Variants in CCDC180 observed in about 807,000 individuals in gnomAD.
The protein encoded by CCDC180 is coiled-coil domain-containing protein 180.
In CCDC180, 154 loss-of-function variants were observed where a neutral mutation model predicts 209.2. That is an observed-to-expected ratio of 0.74 (90% CI 0.65 to 0.84). The LOEUF (loss-of-function observed/expected upper bound fraction) is 0.84, where lower values mean the gene tolerates loss of function less well. Among genes scored for constraint, CCDC180 ranks in the 40% least tolerant of loss-of-function variants. The pLI is 0.00. For missense variants in CCDC180, 1,874 were observed against 1,997.3 expected (o/e 0.94, Z 1.18); for synonymous variants, 778 against 749.1 (o/e 1.04, Z -0.63).
At chr9:97,353,548 T>G (rs1826482462) in intron 22 of CCDC180, among the ~76,000 whole-genome samples, 1 of 152,198 alleles carries the variant, frequency 6.6e-6, no homozygotes, top group South Asian at 2.1e-4. Context: ...TCCTTGGGAC[T>G]TTATGGGTGG....
rs979844222 is a variant in CCDC180 at position 97,377,653 on chromosome 9, C to T, written c.*759C>T. The stretch of plus-strand genomic sequence containing the variant: ...GTTCCCTCACCTGGGGACACTCACT[C>T]TGCTCTCCTGGTTTGCTCCACCCAG... On this transcript the variant is annotated 3_prime_UTR_variant, in exon 37 of 37. Transcript: ENST00000529487. The T allele has an allele frequency of 2.0e-5, 3 of 152,276 alleles. No individual in the cohort carries two copies. Among genetic ancestry groups the T allele is most frequent in the African/African-American group, 7.2e-5 (3 of 41,444 alleles). The allele number at this position is 152,276 out of a possible 1,614,324, so 9.4% of individuals were successfully genotyped here.
chr9:97,355,746 C>T (rs1169870424), intron 24 of CCDC180, among the ~76,000 whole-genome samples: 3 of 152,088 alleles, frequency 2.0e-5, no homozygotes, highest in East Asian at 1.9e-4. Context: ...AAGGTGGCTG[C>T]GTGGGGATTG....
chr9:97,376,805 G>A lies in CCDC180; in HGVS notation c.4885G>A (p.Asp1629Asn), dbSNP rs983353543. 2 of 1,613,558 alleles carry A rather than the reference G, an allele frequency of 1.2e-6. No homozygotes were observed. Among genetic ancestry groups the A allele is most frequent in the South Asian group, 1.1e-5 (1 of 91,044 alleles). Residue 1629 changes from aspartate (D) to asparagine (N), a missense_variant, in exon 37 of 37, where the codon GAT becomes AAT. Physicochemically the swap from Asp to Asn is conservative, Grantham distance 23. Transcript: ENST00000529487. ...TGAGGAGGAGCTAAAGAGGATCCAG[G>A]ATGACTGTACATCTCAGATAAAGGA... ...SFEEELKRIQ[D>N]DCTSQIKEAQ...
intron 18 of CCDC180, among the ~76,000 whole-genome samples, chr9:97,342,046 G>A (rs1826098989): frequency 1.3e-5 from 2 of 152,222 alleles, no homozygotes; most frequent in Admixed American, 1.3e-4. Context: ...CAGTGTTTAG[G>A]TGGCAGTGTT....
rs751588541 is a variant in CCDC180, at chr9:97,326,595, G to C, written c.1587G>C (p.Arg529Ser). Reference sequence around the variant, plus strand: ...TCGATAGGCTCTTGGACCAACTGAGGCAGCAAAGTGACAAAGAAACACTGG... The same window carrying C: ...TCGATAGGCTCTTGGACCAACTGAGCCAGCAAAGTGACAAAGAAACACTGG... ...AHLDRLLDQL[R>S]QQSDKETLAF... Residue 529 changes from arginine (R) to serine (S), a missense_variant, in exon 15 of 37, where the codon AGG becomes AGC. By Grantham distance (110) the Arg-to-Ser change is moderately radical. Coordinates refer to ENST00000529487, the MANE Select transcript of CCDC180 (RefSeq NM_020893.6). 16 of 1,614,038 alleles carry C rather than the reference G, an allele frequency of 9.9e-6. 1 individual carries two copies. The South Asian group carries it at 1.5e-4, about 16-fold the overall frequency.
Position 97,359,418 on chromosome 9 carries a change from C to G in CCDC180, c.3364-564C>G, listed in dbSNP as rs758063264. On this transcript the variant is annotated intron_variant, in intron 25 of 36. Transcript: ENST00000529487. ...TGACAGAGGAGGCTGGCTGGACAGT[C>G]TGCAGAGCGGTGATTAGGGGACAAG... Among the ~76,000 whole-genome samples, 30 of 152,290 alleles carry G rather than the reference C, an allele frequency of 2.0e-4. No individual in the cohort carries two copies. The Middle Eastern group carries it at 0.01, about 52-fold the overall frequency.
intron 26 of CCDC180, among the ~76,000 whole-genome samples, chr9:97,360,540 C>T (rs922236453): frequency 2.6e-5 from 4 of 152,152 alleles, no homozygotes; most frequent in African/African-American, 9.7e-5. Context: ...GTCCGTTCCC[C>T]GAACATGGCC....
intron 7 of CCDC180, 34 bp downstream of exon 7, chr9:97,314,762 G>A (rs368264701): frequency 6.2e-7 from 1 of 1,605,384 alleles, no homozygotes; most frequent in East Asian, 2.2e-5. Context: ...TGTGGTGACT[G>A]TCACTTGCCG....
In CCDC180 at chr9:97,360,080, C is replaced by T. The variant is rs576814618; in HGVS notation, c.3462C>T (p.Ser1154=). The T allele has an allele frequency of 7.8e-5, 126 of 1,613,918 alleles. 1 individual carries two copies. In the South Asian group the frequency reaches 1.1e-3, roughly 15 times the overall value. The change falls in exon 26 of 37, where the codon TCC becomes TCT. Residue 1154 remains serine, a synonymous_variant. Coordinates refer to ENST00000529487, the MANE Select transcript of CCDC180 (RefSeq NM_020893.6). The part of the protein sequence containing the change: ...QYLNCSLDRV[S]MTELVFTNTI... ...TTAACTGCAGCCTGGACAGGGTGTCCATGACTGAACTGGTCTTTACCGTAA... is the reference window on the plus strand; with the variant it reads ...TTAACTGCAGCCTGGACAGGGTGTCTATGACTGAACTGGTCTTTACCGTAA...
intron 22 of CCDC180, among the ~76,000 whole-genome samples, chr9:97,351,910 C>T (rs866242118): frequency 5.3e-5 from 8 of 152,000 alleles, no homozygotes; most frequent in Non-Finnish European, 8.8e-5. Context: ...GTCAGGAGTT[C>T]GAGAGTAGCC....
At chr9:97,361,935 C>G in intron 27 of CCDC180, 37 bp downstream of exon 27, 3 of 1,601,752 alleles carry the variant, frequency 1.9e-6, no homozygotes, top group Non-Finnish European at 2.6e-6. Flanking sequence ...GCTCTGCCAC[C>G]CCTGCCCCTG....
At chr9:97,354,519 G>A (rs768177568) in intron 22 of CCDC180, 50 bp from the exon 23 acceptor site, 164 of 1,593,684 alleles carry the variant, frequency 1.0e-4, no homozygotes, top group Non-Finnish European at 1.4e-4. Context: ...GGATAGATGA[G>A]AACTCTTAGG....
At chr9:97,359,284 C>T (rs764938742) in intron 25 of CCDC180, among the ~76,000 whole-genome samples, 4 of 152,214 alleles carry the variant, frequency 2.6e-5, no homozygotes, top group Admixed American at 6.5e-5. Context: ...CGCCTCCCAA[C>T]CCCTGCTCTG....
chr9:97,322,690 G>GC (rs772442566), intron 11 of CCDC180, 143 bp from the exon 12 acceptor site: 16 of 680,718 alleles, frequency 2.4e-5, no homozygotes, highest in Non-Finnish European at 3.9e-5. Context: ...GGGGACCCCA[G>GC]CCCCTGATCT....
At chr9:97,350,317 T>C in intron 21 of CCDC180, 92 bp from the exon 22 acceptor site, 1 of 1,270,674 alleles carries the variant, frequency 7.9e-7, no homozygotes, top group South Asian at 1.4e-5. Flanking sequence ...CCCTCCCTTG[T>C]CCCTCAGGCT....
chr9:97,375,207 A>G (rs1220825185), intron 35 of CCDC180, among the ~76,000 whole-genome samples: 2 of 152,144 alleles, frequency 1.3e-5, no homozygotes, highest in Admixed American at 1.3e-4. Context: ...GAGCAACTTG[A>G]GCTGTGGCAC....
rs776698083 is a variant in CCDC180 at position 97,349,204 on chromosome 9, A to G, written c.2768A>G (p.Gln923Arg). 37 of 1,536,548 alleles carry G rather than the reference A, an allele frequency of 2.4e-5. No homozygotes were observed. Among genetic ancestry groups the G allele is most frequent in the Non-Finnish European group, 3.1e-5 (36 of 1,147,000 alleles). The change falls in exon 21 of 37, where the codon CAA (glutamine) becomes CGA (arginine). Residue 923 changes from glutamine to arginine, a missense_variant. Transcript: ENST00000529487. Reference sequence around the variant, plus strand: ...AAGCGGCTGATGTTCTGCCAGTTCCAAGAAGAGCAAAACGTGAGGAGCAAA... The same window carrying G: ...AAGCGGCTGATGTTCTGCCAGTTCCGAGAAGAGCAAAACGTGAGGAGCAAA... Reference protein sequence around the residue: ...KKKRLMFCQFQEEQNVRSKNF... With the variant: ...KKKRLMFCQFREEQNVRSKNF...
At chr9:97,370,478 G>C (rs1017809533) in intron 32 of CCDC180, among the ~76,000 whole-genome samples, 163 bp from the exon 33 acceptor site, 1 of 151,394 alleles carries the variant, frequency 6.6e-6, no homozygotes, top group East Asian at 1.9e-4. Context: ...CTCTAGCCAT[G>C]CCCCCCTCTT....
At chr9:97,328,253 A>T in intron 16 of CCDC180, 107 bp downstream of exon 16, 6 of 1,290,876 alleles carry the variant, frequency 4.6e-6, no homozygotes, top group Non-Finnish European at 6.4e-6. Flanking sequence ...CTAATGCTGC[A>T]GAGTTCAAAT....
Sources: allele counts gnomAD v4.1 joint callset (sites outside exome capture counted in the v4.1 genomes callset), GRCh38; gene constraint gnomAD v4.1.1; transcripts MANE v1.5; gene names NCBI Gene and HGNC (gene_info 2026-07-23, HGNC 2026-07-21).